The following NDST4 variants were observed in gnomAD, a reference collection of about 807,000 sequenced individuals.
The protein encoded by NDST4 is N-heparan sulfate sulfotransferase 4.
In NDST4, 63 loss-of-function variants were observed where a neutral mutation model predicts 100.8. That is an observed-to-expected ratio of 0.62 (90% CI 0.51 to 0.77). NDST4 has a LOEUF of 0.77. Among genes scored for constraint, NDST4 ranks in the 30% least tolerant of loss-of-function variants. The pLI is 0.00. For synonymous variants in NDST4, 377 were observed against 361.8 expected (o/e 1.04, Z -0.48); for missense variants, 943 against 1,018.4 (o/e 0.93, Z 1.01).
At chr4:114,916,501 T>C (rs1725169934) in intron 6 of NDST4, among the ~76,000 whole-genome samples, 1 of 151,754 alleles carries the variant, frequency 6.6e-6, no homozygotes. Flanking sequence ...TTAAGTACTC[T>C]GTCTAGTTCA....
chr4:115,024,599 G>C (rs1322643175), intron 2 of NDST4, among the ~76,000 whole-genome samples: 1 of 152,088 alleles, frequency 6.6e-6, no homozygotes, highest in Non-Finnish European at 1.5e-5. Context: ...CTTAAAGCTG[G>C]AGGAAATTTG....
intron 3 of NDST4, among the ~76,000 whole-genome samples, chr4:114,976,386 T>C (rs554345674): frequency 2.0e-5 from 3 of 152,120 alleles, no homozygotes; most frequent in South Asian, 4.1e-4. Flanking sequence ...ACACATAGTT[T>C]AGTACTCTTT....
chr4:114,870,830 G>A lies in NDST4; in HGVS notation c.1657C>T (p.Pro553Ser). ...WTNLKLQTLPPVQLAHQYFEL... is the reference protein window; with the variant it reads ...WTNLKLQTLPSVQLAHQYFEL... Reference sequence around the variant, plus strand: ...AAATACTGGTGGGCCAGTTGCACTGGAGGCAGAGTTTGCAATTTCAGGTTG... The same window carrying A: ...AAATACTGGTGGGCCAGTTGCACTGAAGGCAGAGTTTGCAATTTCAGGTTG... Residue 553 changes from proline to serine, a missense_variant, in exon 7 of 14, where the codon CCA becomes TCA. Around this residue, in one of 2 missense-constraint regions of NDST4, gnomAD observed 526 missense variants for 634.1 expected, o/e 0.83. Coordinates refer to ENST00000264363, the MANE Select transcript of NDST4 (RefSeq NM_022569.3). The A allele has an allele frequency of 6.2e-7, 1 of 1,613,116 alleles. No homozygotes were observed. Among genetic ancestry groups the A allele is most frequent in the Non-Finnish European group, 8.5e-7 (1 of 1,179,382 alleles).
intron 2 of NDST4, among the ~76,000 whole-genome samples, chr4:114,978,155 A>G (rs1479750788): frequency 6.6e-6 from 1 of 152,008 alleles, no homozygotes; most frequent in East Asian, 1.9e-4. Flanking sequence ...ATTTTTAAAG[A>G]GGACATACTT....
chr4:114,905,843 A>G (rs1724937669), intron 6 of NDST4, among the ~76,000 whole-genome samples: 1 of 152,008 alleles, frequency 6.6e-6, no homozygotes, highest in African/African-American at 2.4e-5. Context: ...TTTGTTTCTG[A>G]CACTTTAATA....
chr4:114,836,717 A>G (rs765562059), intron 11 of NDST4, among the ~76,000 whole-genome samples: 1 of 152,160 alleles, frequency 6.6e-6, no homozygotes, highest in Non-Finnish European at 1.5e-5. Context: ...GTGTTTTCCA[A>G]CTTGGTTCCA....
intron 1 of NDST4, among the ~76,000 whole-genome samples, chr4:115,098,958 T>G (rs75296978): frequency 6.6e-6 from 1 of 152,172 alleles, no homozygotes; most frequent in Non-Finnish European, 1.5e-5. Context: ...TCCTTCCACA[T>G]TGGCGTCCCA....
intron 2 of NDST4, among the ~76,000 whole-genome samples, chr4:115,034,411 C>T (rs1033525923): frequency 2.0e-5 from 3 of 151,918 alleles, no homozygotes; most frequent in Non-Finnish European, 4.4e-5. Flanking sequence ...TGACTATCCT[C>T]ACAAACTTAG....
intron 2 of NDST4, among the ~76,000 whole-genome samples, chr4:114,994,335 A>G (rs1435515757): frequency 1.3e-5 from 2 of 152,000 alleles, no homozygotes; most frequent in Non-Finnish European, 1.5e-5. Context: ...CTTGAATGAG[A>G]GCAGAGAACC....
chr4:114,956,433 C>T (rs1401104503), intron 4 of NDST4, among the ~76,000 whole-genome samples: 1 of 152,094 alleles, frequency 6.6e-6, no homozygotes, highest in Non-Finnish European at 1.5e-5. Flanking sequence ...CTGTTGTTAT[C>T]ATAATTAAGA....
At chr4:114,888,619 A>G (rs2126205014) in intron 6 of NDST4, among the ~76,000 whole-genome samples, 1 of 152,342 alleles carries the variant, frequency 6.6e-6, no homozygotes, top group African/African-American at 2.4e-5. Flanking sequence ...TTGAGATTCC[A>G]AAGCTCAGGT....
At chr4:114,892,647 T>C (rs898026651) in intron 6 of NDST4, among the ~76,000 whole-genome samples, 4 of 152,042 alleles carry the variant, frequency 2.6e-5, no homozygotes, top group African/African-American at 9.7e-5. Context: ...TAGAAATGGG[T>C]ATACCGGAGA....
At chr4:114,951,107 G>A (rs976021313) in intron 4 of NDST4, among the ~76,000 whole-genome samples, 1 of 152,056 alleles carries the variant, frequency 6.6e-6, no homozygotes, top group Non-Finnish European at 1.5e-5. Context: ...ACTGACAAAT[G>A]AAAGGAGGGA....
chr4:115,108,019 TATTG>T (rs1225841764), intron 1 of NDST4, among the ~76,000 whole-genome samples: 1 of 152,024 alleles, frequency 6.6e-6, no homozygotes, highest in African/African-American at 2.4e-5. Context: ...TAGTATAATT[TATTG>T]ATTGTGTTTT....
chr4:114,900,816 A>G (rs1724821039), intron 6 of NDST4, among the ~76,000 whole-genome samples: 1 of 152,104 alleles, frequency 6.6e-6, no homozygotes, highest in African/African-American at 2.4e-5. Context: ...CTTTTGCTGC[A>G]TCTCACAAAT....
intron 6 of NDST4, among the ~76,000 whole-genome samples, chr4:114,911,755 T>C (rs1362910417): frequency 2.0e-5 from 3 of 152,214 alleles, no homozygotes; most frequent in Non-Finnish European, 4.4e-5. Flanking sequence ...TCTAAATTGC[T>C]AAGTGACAAT....
At chr4:114,916,598 G>A (rs1392878326) in intron 6 of NDST4, among the ~76,000 whole-genome samples, 1 of 150,494 alleles carries the variant, frequency 6.6e-6, no homozygotes, top group South Asian at 2.1e-4. Context: ...GTGTATGTGT[G>A]TGTGTGTGGC....
intron 4 of NDST4, among the ~76,000 whole-genome samples, chr4:114,960,874 T>C (rs1427585172): frequency 6.6e-6 from 1 of 152,156 alleles, no homozygotes; most frequent in Non-Finnish European, 1.5e-5. Context: ...AAATATATAC[T>C]TTCTCTGCCT....
At chr4:114,847,039 G>A (rs796073197) in intron 9 of NDST4, among the ~76,000 whole-genome samples, 9 of 152,128 alleles carry the variant, frequency 5.9e-5, no homozygotes, top group African/African-American at 1.2e-4. Context: ...TCTGCTCGCC[G>A]GTGTTGCACC....
Sources: allele counts gnomAD v4.1 joint callset (sites outside exome capture counted in the v4.1 genomes callset), GRCh38; gene constraint gnomAD v4.1.1; regional missense constraint gnomAD v4.1.1; transcripts MANE v1.5; gene names NCBI Gene and HGNC (gene_info 2026-07-23, HGNC 2026-07-21).